FBXO38: variants seen among roughly 807,000 people sequenced by gnomAD.
The protein encoded by FBXO38 is F-box protein 38.
Under a neutral mutation model 131.9 loss-of-function variants are expected in FBXO38, and 53 were observed. The observed-to-expected ratio is 0.40, with a 90% CI of 0.32 to 0.51. The LOEUF (loss-of-function observed/expected upper bound fraction) is 0.51, where lower values mean the gene tolerates loss of function less well. FBXO38 is among the 20% of genes least tolerant of loss of function. FBXO38 has a pLI of 0.53. For synonymous variants in FBXO38, 452 were observed against 505.6 expected (o/e 0.89, Z 1.42); for missense variants, 1,076 against 1,475.6 (o/e 0.73, Z 4.44).
At chr5:148,429,158 C>T (rs1031020747) in intron 15 of FBXO38, among the ~76,000 whole-genome samples, 6 of 152,208 alleles carry the variant, frequency 3.9e-5, no homozygotes, top group African/African-American at 1.4e-4. Context: ...TGTGGTTTTT[C>T]GTATTTGCAA....
chr5:148,441,798 T>A (rs1754698737), intron 21 of FBXO38, among the ~76,000 whole-genome samples, 171 bp from the exon 22 acceptor site: 1 of 152,228 alleles, frequency 6.6e-6, no homozygotes, highest in African/African-American at 2.4e-5. Flanking sequence ...GTATTCTGTC[T>A]TAGGCATCAA....
chr5:148,415,897 A>G (rs757325130), intron 10 of FBXO38, 31 bp from the exon 11 acceptor site: 2 of 1,612,158 alleles, frequency 1.2e-6, no homozygotes, highest in Admixed American at 1.7e-5. Flanking sequence ...TGTTACTTAG[A>G]TTTTCTCTGG....
At chr5:148,387,226 T>C (rs1254249660) in intron 1 of FBXO38, among the ~76,000 whole-genome samples, 1 of 152,220 alleles carries the variant, frequency 6.6e-6, no homozygotes, top group Non-Finnish European at 1.5e-5. Context: ...TCTAAATCCT[T>C]TGTTGTCATT....
chr5:148,429,751 T>C (rs903048289), intron 15 of FBXO38, among the ~76,000 whole-genome samples: 6 of 152,192 alleles, frequency 3.9e-5, no homozygotes, highest in South Asian at 2.1e-4. Flanking sequence ...TTGTTTTTAA[T>C]ACAGAGCCTT....
At position 148,433,471 on chromosome 5, in the gene FBXO38, G is replaced by A; in HGVS notation, c.2701G>A (p.Ala901Thr). The A allele has an allele frequency of 6.2e-7, 1 of 1,613,966 alleles. No individual in the cohort carries two copies. The highest frequency in any genetic ancestry group is 8.5e-7 in the Non-Finnish European group (1 of 1,179,912). ...TCACGCCATGAAACGGAAGCGGACA[G>A]CAGATAAATCCACTAGTACAAGTGA... ...PRHAMKRKRTADKSTSTSDPV... is the reference protein window; with the variant it reads ...PRHAMKRKRTTDKSTSTSDPV... The change falls in exon 16 of 22, where the codon GCA becomes ACA. Residue 901 changes from alanine (A) to threonine (T), a missense_variant. By Grantham distance (58) the Ala-to-Thr change is moderately conservative. Coordinates refer to ENST00000340253, the MANE Select transcript of FBXO38 (RefSeq NM_205836.3).
chr5:148,430,838 A>C (rs940106451), intron 15 of FBXO38: 1 of 152,072 alleles, frequency 6.6e-6, no homozygotes, highest in Non-Finnish European at 1.5e-5. Context: ...GGAATAAATA[A>C]CTAAGTTGCT....
chr5:148,438,649 A>G (rs1251823450), intron 18 of FBXO38, 151 bp downstream of exon 18: 6 of 748,892 alleles, frequency 8.0e-6, no homozygotes, highest in African/African-American at 1.8e-5. Context: ...TATGTATGAT[A>G]TAGGGAGTTG....
At chr5:148,392,420 G>T (rs751623435) in intron 1 of FBXO38, among the ~76,000 whole-genome samples, 2 of 152,048 alleles carry the variant, frequency 1.3e-5, no homozygotes, top group African/African-American at 4.8e-5. Context: ...TTTTGGGGAG[G>T]GGGAGGGTTC....
At chr5:148,405,073 T>C (rs747972938) in intron 6 of FBXO38, among the ~76,000 whole-genome samples, 3 of 152,086 alleles carry the variant, frequency 2.0e-5, no homozygotes, top group Non-Finnish European at 2.9e-5. Flanking sequence ...CTTTTTACTT[T>C]TCCTAGGATT....
chr5:148,390,114 A>T (rs970691117), intron 1 of FBXO38: 1 of 152,102 alleles, frequency 6.6e-6, no homozygotes, highest in Non-Finnish European at 1.5e-5. Flanking sequence ...CATATAGGGA[A>T]ACCAGGTCCC....
chr5:148,390,150 A>C (rs1758126846), intron 1 of FBXO38: 1 of 152,152 alleles, frequency 6.6e-6, no homozygotes, highest in South Asian at 2.1e-4. Flanking sequence ...GAGATGAAAT[A>C]CTCAGCATAG....
intron 5 of FBXO38, among the ~76,000 whole-genome samples, chr5:148,402,865 T>G (rs1437483290): frequency 1.3e-5 from 2 of 152,146 alleles, no homozygotes; most frequent in East Asian, 3.8e-4. Flanking sequence ...CTTTAATATT[T>G]GTTTACTACT....
In FBXO38 at chr5:148,433,338, T is replaced by G. The variant is rs6861078; in HGVS notation, c.2654-86T>G. On this transcript the variant is annotated intron_variant, in intron 15 of 21. Transcript: ENST00000340253. ...TTGTAGATTTGGGAATTACCTTGAT[T>G]ATGTTCATACGTATGTGATTGAATG... 0.34 allele frequency: 287,457 copies of G among 855,618 alleles called. 54,990 individuals carry two copies. Among genetic ancestry groups the G allele is most frequent in the African/African-American group, 0.69 (40,147 of 58,606 alleles). 53.0% of individuals were successfully genotyped at this position (855,618 alleles called of 1,614,324 possible). A position where few individuals can be genotyped will look rare whatever the true frequency, so the allele number is the denominator to read the frequency against.
chr5:148,392,837 A>G (rs1268653956), intron 1 of FBXO38, among the ~76,000 whole-genome samples: 1 of 152,136 alleles, frequency 6.6e-6, no homozygotes, highest in Non-Finnish European at 1.5e-5. Context: ...GAAAGAGGCT[A>G]TTGGATTTGT....
At position 148,425,583 on chromosome 5, in the gene FBXO38, T is replaced by C; in HGVS notation, c.1800T>C (p.Ser600=). The change falls in exon 14 of 22, where the codon AGT becomes AGC. Residue 600 remains serine, a synonymous_variant. Coordinates refer to ENST00000340253, the MANE Select transcript of FBXO38 (RefSeq NM_205836.3). ...PTSITVHDSE[S]DDEEDSLELQ... ...CAATTACTGTTCATGATTCAGAGAG[T>C]GATGATGAAGAAGATAGTCTAGAAC... 3 of 1,612,924 alleles carry C rather than the reference T, an allele frequency of 1.9e-6. No individual in the cohort carries two copies. The highest frequency in any genetic ancestry group is 2.5e-6 in the Non-Finnish European group (3 of 1,179,246).
intron 9 of FBXO38, among the ~76,000 whole-genome samples, chr5:148,411,947 A>G (rs978061517): frequency 1.3e-5 from 2 of 152,040 alleles, no homozygotes; most frequent in South Asian, 2.1e-4. Flanking sequence ...TTTGTTTTCT[A>G]TTTTTCCCAA....
chr5:148,394,453 C>T (rs965551029), intron 1 of FBXO38, among the ~76,000 whole-genome samples: 1 of 152,110 alleles, frequency 6.6e-6, no homozygotes, highest in Non-Finnish European at 1.5e-5. Flanking sequence ...AATTAAAGCA[C>T]AATACTCATG....
intron 7 of FBXO38, 114 bp from the exon 8 acceptor site, chr5:148,409,010 A>G: frequency 1.7e-6 from 1 of 604,350 alleles, no homozygotes; most frequent in East Asian, 2.8e-5. Flanking sequence ...CAAAGCTTAG[A>G]TTTACTTTTA....
chr5:148,418,813 A>C (rs1291533768), intron 12 of FBXO38, among the ~76,000 whole-genome samples: 1 of 152,256 alleles, frequency 6.6e-6, no homozygotes, highest in African/African-American at 2.4e-5. Context: ...TTCTCAGTAC[A>C]GTGGAGAATG....
Sources: gnomAD v4.1 joint callset for allele counts (sites outside exome capture counted in the v4.1 genomes callset) on GRCh38, gnomAD v4.1.1 for gene constraint, MANE v1.5 for transcripts, NCBI Gene and HGNC (gene_info 2026-07-23, HGNC 2026-07-21) for gene names.